NCAN: variants seen among roughly 807,000 people sequenced by gnomAD.
The protein encoded by NCAN is neurocan, also known as neurocan core protein.
In NCAN, 47 loss-of-function variants were observed where a neutral mutation model predicts 121.8. That is an observed-to-expected ratio of 0.39 (90% confidence interval 0.31 to 0.49). The LOEUF (loss-of-function observed/expected upper bound fraction) is 0.49, where lower values mean the gene tolerates loss of function less well. NCAN is among the 20% of genes least tolerant of loss of function. The probability of loss-of-function intolerance (pLI) is 0.92; values close to 1 mark genes in which losing one functional copy is unlikely to be tolerated. For synonymous variants in NCAN, 633 were observed against 702.0 expected (o/e 0.90, Z 1.55); for missense variants, 1,517 against 1,773.4 (o/e 0.86, Z 2.60).
chr19:19,238,083 G>A (rs953141342), intron 10 of NCAN, among the ~76,000 whole-genome samples, 170 bp from the exon 11 acceptor site: 1 of 152,102 alleles, frequency 6.6e-6, no homozygotes, highest in East Asian at 1.9e-4. Context: ...GGAGGTGAAA[G>A]GGTTGGGAGA....
rs1392789384 is a variant in NCAN, at chr19:19,235,073, A to G, written c.3227A>G (p.Tyr1076Cys). ...TTTGTCTGCCTTTGCCTCCCCAGCT[A>G]TGGGGGCAGCTTTTGTGAGAAAGGT... is the stretch of plus-strand genomic sequence containing the variant. ...NGFVCLCLPS[Y>C]GGSFCEKDTE... The change falls in exon 10 of 15, where the codon TAT becomes TGT. Residue 1076 changes from tyrosine (Y) to cysteine (C), a missense_variant. Transcript: ENST00000252575. 1.2e-6 allele frequency: 2 copies of G among 1,611,918 alleles called. No individual in the cohort carries two copies. The highest frequency in any genetic ancestry group is 1.1e-5 in the South Asian group (1 of 90,864).
chr19:19,230,575 G>C (rs1316490825), intron 8 of NCAN, among the ~76,000 whole-genome samples: 1 of 151,012 alleles, frequency 6.6e-6, no homozygotes, highest in Non-Finnish European at 1.5e-5. Flanking sequence ...GCTAATTTTT[G>C]TATTTTTTAT....
intron 1 of NCAN, among the ~76,000 whole-genome samples, chr19:19,215,921 C>G (rs141272838): frequency 3.3e-4 from 50 of 152,222 alleles, no homozygotes; most frequent in African/African-American, 1.1e-3. Context: ...AAAATGTACC[C>G]CTTACTGCAT....
At chr19:19,247,580 A>G (rs1253128686) in intron 13 of NCAN, among the ~76,000 whole-genome samples, 1 of 151,684 alleles carries the variant, frequency 6.6e-6, no homozygotes, top group Non-Finnish European at 1.5e-5. Context: ...TTGTAGAGAC[A>G]GGGTCTTGCT....
At position 19,235,080 on chromosome 19, in the gene NCAN, C is replaced by A. The variant is rs1221203352; in HGVS notation, c.3234C>A (p.Gly1078=). ...FVCLCLPSYG[G]SFCEKDTEGC... ...GCCTTTGCCTCCCCAGCTATGGGGG[C>A]AGCTTTTGTGAGAAAGGTGAGTTTC... The change falls in exon 10 of 15, where the codon GGC becomes GGA. Residue 1078 remains glycine (G), a synonymous_variant. Coordinates refer to ENST00000252575, the MANE Select transcript of NCAN (RefSeq NM_004386.3). The A allele has an allele frequency of 6.2e-7, 1 of 1,610,656 alleles. No individual in the cohort carries two copies. The highest frequency in any genetic ancestry group is 8.5e-7 in the Non-Finnish European group (1 of 1,177,550).
Position 19,225,364 on chromosome 19 carries a change from T to C in NCAN, c.1072+94T>C. 14 of 1,368,810 alleles carry C rather than the reference T, an allele frequency of 1.0e-5. No individual in the cohort carries two copies. Among genetic ancestry groups the C allele is most frequent in the Non-Finnish European group, 1.2e-5 (13 of 1,055,310 alleles). The allele number at this position is 1,368,810 out of a possible 1,614,324, so 84.8% of individuals were successfully genotyped here. The stretch of plus-strand genomic sequence containing the variant: ...CTCGCCAAGCCAAGGGAGAGACACA[T>C]GGAAGCTCGCTTTGTGATAAGCCAC... On this transcript the variant is annotated intron_variant, in intron 6 of 14. Coordinates refer to ENST00000252575, the MANE Select transcript of NCAN (RefSeq NM_004386.3). The surrounding 1 kb of genome is among the most constrained non-coding windows in gnomAD (Gnocchi z 4.0).
At chr19:19,231,104 A>T (rs911669648) in intron 8 of NCAN, among the ~76,000 whole-genome samples, 18 of 152,096 alleles carry the variant, frequency 1.2e-4, no homozygotes, top group African/African-American at 3.9e-4. Context: ...GTATCGATAA[A>T]GGCTGACATT....
chr19:19,237,922 A>C (rs1403595040), intron 10 of NCAN, among the ~76,000 whole-genome samples: 2 of 152,186 alleles, frequency 1.3e-5, no homozygotes, highest in Non-Finnish European at 2.9e-5. Context: ...GCACGCCTGT[A>C]ATCCCAGCTA....
At chr19:19,242,120 G>C (rs1170094245) in intron 12 of NCAN, among the ~76,000 whole-genome samples, 1 of 151,916 alleles carries the variant, frequency 6.6e-6, no homozygotes, top group Non-Finnish European at 1.5e-5. Context: ...ACTTGAACCC[G>C]GGAGGCAGAG....
At chr19:19,238,222 C>T (rs779069902) in intron 10 of NCAN, 31 bp from the exon 11 acceptor site, 2 of 1,612,404 alleles carry the variant, frequency 1.2e-6, no homozygotes, top group African/African-American at 1.3e-5. Context: ...CCAAGGCCAG[C>T]CCCCCCTCAC....
At position 19,219,053 on chromosome 19, in the gene NCAN, G is replaced by T; in HGVS notation, c.212G>T (p.Arg71Leu). 6.2e-7 allele frequency: 1 copy of T among 1,612,206 alleles called. No homozygotes were observed. ...CTGCAGCCACGGCCAAGCGCAGCCC[G>T]AGATGCCCCTCGGATAAAGTGGACC... ...FTLQPRPSAA[R>L]DAPRIKWTKV... The change falls in exon 3 of 15, where the codon CGA becomes CTA. Residue 71 changes from arginine (R) to leucine (L), a missense_variant. Arg to Leu is a moderately radical substitution (Grantham distance 102, BLOSUM62 -2). Coordinates refer to ENST00000252575, the MANE Select transcript of NCAN (RefSeq NM_004386.3).
At position 19,212,516 on chromosome 19, in the gene NCAN, C is replaced by A. The variant is rs534147778; in HGVS notation, c.-8+452C>A. 6.6e-6 allele frequency among the ~76,000 whole-genome samples: 1 copy of A among 150,800 alleles called. No individual in the cohort carries two copies. Among genetic ancestry groups the A allele is most frequent in the Admixed American group, 6.6e-5 (1 of 15,206 alleles). On this transcript the variant is annotated intron_variant, in intron 1 of 14. Transcript: ENST00000252575. This position sits in a 1 kb window ranked among gnomAD's most constrained non-coding sequence, Gnocchi z 4.5. ...CAATTTGCGGTTGAATGGAGGATTC[C>A]GGGCCGGACTGCAGTGGGGAGGGGG...
intron 11 of NCAN, among the ~76,000 whole-genome samples, chr19:19,239,250 C>G (rs139914852): frequency 1.1e-4 from 17 of 152,026 alleles, no homozygotes; most frequent in Non-Finnish European, 7.4e-5. Context: ...GCCTCACCCC[C>G]CTAAAAGAGG....
At chr19:19,239,880 C>T (rs577522139) in intron 11 of NCAN, among the ~76,000 whole-genome samples, 23 of 136,792 alleles carry the variant, frequency 1.7e-4, no homozygotes, top group African/African-American at 5.8e-4. Flanking sequence ...TTCCATTCAT[C>T]TTTCTCCTCC....
At chr19:19,231,634 C>T (rs1384242995) in intron 8 of NCAN, among the ~76,000 whole-genome samples, 2 of 152,028 alleles carry the variant, frequency 1.3e-5, no homozygotes, top group African/African-American at 4.8e-5. Flanking sequence ...GGCCGGAAAA[C>T]AGAGCTTCTG....
Position 19,225,187 on chromosome 19 carries a change from C to T in NCAN, c.989C>T (p.Pro330Leu), listed in dbSNP as rs1346674237. The part of the protein sequence containing the change: ...TPRRRCGGPA[P>L]GVRTVYRFAN... The stretch of plus-strand genomic sequence containing the variant: ...CGCCGGCGCTGCGGGGGCCCAGCCC[C>T]GGGCGTGCGCACCGTCTACCGCTTC... The change falls in exon 6 of 15, where the codon CCG becomes CTG. Residue 330 changes from proline to leucine, a missense_variant. Pro to Leu is a moderately conservative substitution (Grantham distance 98). Transcript: ENST00000252575. This position sits in a 1 kb window ranked among gnomAD's most constrained non-coding sequence, Gnocchi z 4.0. 3 of 1,552,130 alleles carry T rather than the reference C, an allele frequency of 1.9e-6. No individual in the cohort carries two copies. The highest frequency in any genetic ancestry group is 1.2e-5 in the South Asian group (1 of 85,486).
intron 10 of NCAN, among the ~76,000 whole-genome samples, chr19:19,236,145 G>A (rs1396141083): frequency 1.3e-5 from 2 of 152,080 alleles, no homozygotes; most frequent in Non-Finnish European, 2.9e-5. Context: ...CACCCCAGAA[G>A]GAAACTCTGT....
intron 8 of NCAN, 139 bp downstream of exon 8, chr19:19,228,778 T>C (rs2060847724): frequency 1.0e-5 from 10 of 953,000 alleles, no homozygotes; most frequent in Non-Finnish European, 1.5e-6. Flanking sequence ...ACGCTGGAGG[T>C]AGGAGCTTAT....
chr19:19,216,591 T>C (rs992169009), intron 1 of NCAN, among the ~76,000 whole-genome samples: 1 of 152,098 alleles, frequency 6.6e-6, no homozygotes, highest in African/African-American at 2.4e-5. Context: ...ATTACAGGCG[T>C]GAGCCACCAC....
Sources: allele counts gnomAD v4.1 joint callset (sites outside exome capture counted in the v4.1 genomes callset), GRCh38; gene constraint gnomAD v4.1.1; non-coding constraint Gnocchi (gnomAD v3.1); transcripts MANE v1.5; gene names NCBI Gene and HGNC (gene_info 2026-07-23, HGNC 2026-07-21).